Variants in NCOA4 observed in about 807,000 individuals in gnomAD.
NCOA4 encodes 70 kDa AR-activator.
In NCOA4, 31 loss-of-function variants were observed where a neutral mutation model predicts 69.5. That is an observed-to-expected ratio of 0.45 (90% CI 0.34 to 0.60). The LOEUF is 0.60. Among genes scored for constraint, NCOA4 ranks in the 20% least tolerant of loss-of-function variants. The pLI, the probability that NCOA4 is intolerant of heterozygous loss-of-function variation, is 0.02. For synonymous variants in NCOA4, 228 were observed against 252.4 expected (o/e 0.90, Z 0.92); for missense variants, 600 against 719.2 (o/e 0.83, Z 1.90).
intron 6 of NCOA4, 30 bp from the exon 7 acceptor site, chr10:46,013,056 T>G (rs1377339902): frequency 1.2e-6 from 2 of 1,610,380 alleles, no homozygotes; most frequent in Non-Finnish European, 1.7e-6. Flanking sequence ...GAATGTCAAA[T>G]GCAGTAGAAA....
chr10:46,026,171 G>C (rs1026911867), intron 1 of NCOA4, among the ~76,000 whole-genome samples: 1 of 152,198 alleles, frequency 6.6e-6, no homozygotes, highest in Non-Finnish European at 1.5e-5. Context: ...ATTAATGCAG[G>C]AAGGTTTTTT....
Position 46,009,484 on chromosome 10 carries a change from G to T in NCOA4, c.1766C>A (p.Ala589Glu), listed in dbSNP as rs1839068415. ...NFPPDHYGLP[A>E]VCDLFACMQL... The stretch of plus-strand genomic sequence containing the variant: ...CATACAGGCAAAGAGATCACAAACT[G>T]CAGGGAGGCCATAATGGTCTGGGGG... Residue 589 changes from alanine (A) to glutamate (E), a missense_variant, in exon 9 of 10, where the codon GCA becomes GAA. By Grantham distance (107) the Ala-to-Glu change is moderately radical. Coordinates refer to ENST00000581486, the MANE Select transcript of NCOA4 (RefSeq NM_001145263.2). 1 of 1,611,720 alleles carries T rather than the reference G, an allele frequency of 6.2e-7. No individual in the cohort carries two copies. Among genetic ancestry groups the T allele is most frequent in the Non-Finnish European group, 8.5e-7 (1 of 1,179,452 alleles).
intron 8 of NCOA4, 96 bp from the exon 9 acceptor site, chr10:46,009,647 G>A (rs1839080438): frequency 8.4e-7 from 1 of 1,193,762 alleles, no homozygotes; most frequent in East Asian, 2.4e-5. Flanking sequence ...TAATTTAAAT[G>A]TTGGCCATTC....
intron 7 of NCOA4, among the ~76,000 whole-genome samples, chr10:46,011,602 G>C (rs1486314717): frequency 6.6e-6 from 1 of 151,984 alleles, no homozygotes; most frequent in Non-Finnish European, 1.5e-5. Flanking sequence ...GTCTTGCCCA[G>C]TGTTTTGAAA....
rs149471887 is a variant in NCOA4, at chr10:46,006,960, G to A, written c.1840-363C>T. 2.0e-3 allele frequency among the ~76,000 whole-genome samples: 303 copies of A among 152,312 alleles called. 3 individuals are homozygous for A. The highest frequency in any genetic ancestry group is 0.019 in the East Asian group (98 of 5,190). ...TCACTCTTCTTTAAATCAAAAGCCA[G>A]AAATGATTAAACTTAGCGAGAAAGT... On this transcript the variant is annotated intron_variant, in intron 9 of 9. Coordinates refer to ENST00000581486, the MANE Select transcript of NCOA4 (RefSeq NM_001145263.2).
chr10:46,011,576 T>C (rs1193478417), intron 7 of NCOA4, among the ~76,000 whole-genome samples: 2 of 151,794 alleles, frequency 1.3e-5, no homozygotes, highest in African/African-American at 4.8e-5. Flanking sequence ...CGCCCGGCCC[T>C]GTCTGCATAT....
rs1554920924 is a variant in NCOA4 at position 46,010,405 on chromosome 10, C to T, written c.1516G>A (p.Gly506Arg). Reference protein sequence around the residue: ...EWLIRPPYKEGSPKEVPGTED... With the variant: ...EWLIRPPYKERSPKEVPGTED... ...GTACCAGGCACTTCCTTGGGACTTC[C>T]TTCTTTGTATGGGGGCCTGATAAGC... Residue 506 changes from glycine to arginine, a missense_variant, in exon 8 of 10, where the codon GGA (glycine) becomes AGA (arginine). Transcript: ENST00000581486. The T allele has an allele frequency of 1.2e-6, 2 of 1,614,016 alleles. No homozygotes were observed. The highest frequency in any genetic ancestry group is 1.7e-6 in the Non-Finnish European group (2 of 1,180,026).
intron 1 of NCOA4, among the ~76,000 whole-genome samples, chr10:46,024,834 G>A (rs1554925214): frequency 6.6e-6 from 1 of 152,210 alleles, no homozygotes; most frequent in Admixed American, 6.5e-5. Context: ...CTCATCTAAA[G>A]CAGCGTAGCT....
intron 1 of NCOA4, among the ~76,000 whole-genome samples, chr10:46,028,857 T>C (rs1840298881): frequency 6.6e-6 from 1 of 151,934 alleles, no homozygotes; most frequent in African/African-American, 2.4e-5. Flanking sequence ...GAGTTCAAAG[T>C]CCATCAGCAG....
rs113590757 is a variant in NCOA4, at chr10:46,011,028, T to A, written c.893A>T (p.Glu298Val). The change falls in exon 8 of 10, where the codon GAG (glutamate) becomes GTG (valine). Residue 298 changes from glutamate (E) to valine (V), a missense_variant. Glu to Val is a moderately radical substitution (Grantham distance 121). Transcript: ENST00000581486. Reference protein sequence around the residue: ...VGDQELPDQDEMDLSDWLVTP... With the variant: ...VGDQELPDQDVMDLSDWLVTP... ...CACTAGCCAATCTGATAGGTCCATC[T>A]CATCTTGATCAGGAAGCTCTTGATC... 1.6e-3 allele frequency: 2,564 copies of A among 1,613,964 alleles called. 10 individuals carry two copies. Among genetic ancestry groups the A allele is most frequent in the Non-Finnish European group, 1.1e-3 (1,263 of 1,179,854 alleles).
Position 46,006,032 on chromosome 10 carries a change from G to A in NCOA4, c.*560C>T, listed in dbSNP as rs1838788669. The A allele has an allele frequency of 4.9e-6, 1 of 204,730 alleles. No individual in the cohort carries two copies. Among genetic ancestry groups the A allele is most frequent in the African/African-American group, 2.3e-5 (1 of 43,712 alleles). The allele number at this position is 204,730 out of a possible 1,614,324, so 12.7% of individuals were successfully genotyped here. On this transcript the variant is annotated 3_prime_UTR_variant, in exon 10 of 10. Transcript: ENST00000581486. ...TGGGCTAAAATGTTTCATAATTAAT[G>A]TCAAAAATTGCCAAGATTATTAATA... is the stretch of plus-strand genomic sequence containing the variant.
intron 1 of NCOA4, among the ~76,000 whole-genome samples, chr10:46,026,772 A>G (rs1840172301): frequency 6.6e-6 from 1 of 152,204 alleles, no homozygotes; most frequent in Non-Finnish European, 1.5e-5. Flanking sequence ...CCAAACTGAC[A>G]ACAAAACCTT....
At chr10:46,019,187 C>T (rs1839728646) in intron 1 of NCOA4, 1 of 287,454 alleles carries the variant, frequency 3.5e-6, no homozygotes, top group African/African-American at 2.3e-5. Flanking sequence ...ACAGAAATCC[C>T]TGTGGAAATT....
At chr10:46,025,207 A>T (rs1840093224) in intron 1 of NCOA4, among the ~76,000 whole-genome samples, 1 of 152,198 alleles carries the variant, frequency 6.6e-6, no homozygotes, top group East Asian at 1.9e-4. Flanking sequence ...TGAAGCCCAA[A>T]GCCTGGGGAG....
intron 1 of NCOA4, among the ~76,000 whole-genome samples, chr10:46,028,474 T>G (rs1840276043): frequency 6.6e-6 from 1 of 151,852 alleles, no homozygotes; most frequent in African/African-American, 2.4e-5. Context: ...GTGCCGAGCC[T>G]TTTTTTAAAA....
At chr10:46,012,141 G>T (rs71502419) in intron 7 of NCOA4, among the ~76,000 whole-genome samples, 1 of 75,612 alleles carries the variant, frequency 1.3e-5, no homozygotes, top group African/African-American at 4.6e-5. Flanking sequence ...ACTAATGGAA[G>T]AAAAAACAAA....
Position 46,005,094 on chromosome 10 carries a change from T to C in NCOA4, c.*1498A>G. ...AAAAATAACACGCAACAACTATGGC[T>C]GTTATGCTTTTAATGGAAGCAGATA... On this transcript the variant is annotated 3_prime_UTR_variant, in exon 10 of 10. Coordinates refer to ENST00000581486, the MANE Select transcript of NCOA4 (RefSeq NM_001145263.2). 5.4e-6 allele frequency: 1 copy of C among 185,880 alleles called. No individual in the cohort carries two copies. Among genetic ancestry groups the C allele is most frequent in the East Asian group, 8.7e-5 (1 of 11,550 alleles). 11.5% of individuals were successfully genotyped at this position (185,880 alleles called of 1,614,324 possible). A position where few individuals can be genotyped will look rare whatever the true frequency, so the allele number is the denominator to read the frequency against.
chr10:46,011,885 A>G (rs1015167645), intron 7 of NCOA4, among the ~76,000 whole-genome samples: 10 of 151,398 alleles, frequency 6.6e-5, no homozygotes, highest in Admixed American at 5.9e-4. Flanking sequence ...CCCCGTATCT[A>G]CTAAAAAATA....
In NCOA4 at chr10:46,005,654, A is replaced by AC. The variant is rs1465650616; in HGVS notation, c.*937dup. 1 of 218,640 alleles carries AC rather than the reference A, an allele frequency of 4.6e-6. No individual in the cohort carries two copies. The highest frequency in any genetic ancestry group is 9.2e-6 in the Non-Finnish European group (1 of 108,630). 13.5% of individuals were successfully genotyped at this position (218,640 alleles called of 1,614,324 possible). A position where few individuals can be genotyped will look rare whatever the true frequency, so the allele number is the denominator to read the frequency against. On this transcript the variant is annotated 3_prime_UTR_variant, in exon 10 of 10. Transcript: ENST00000581486. ...TCACTAAAACGTCACTTTTGGAGGTACAGGTATGCTGTGCTTGCAGTGAGA... is the reference window on the plus strand; with the variant it reads ...TCACTAAAACGTCACTTTTGGAGGTACCAGGTATGCTGTGCTTGCAGTGAGA...
Sources: gnomAD v4.1 joint callset for allele counts (sites outside exome capture counted in the v4.1 genomes callset) on GRCh38, gnomAD v4.1.1 for gene constraint, MANE v1.5 for transcripts, NCBI Gene and HGNC (gene_info 2026-07-23, HGNC 2026-07-21) for gene names.